Variants in APBA2 observed in about 807,000 individuals in gnomAD.
APBA2 encodes amyloid-beta A4 precursor protein-binding family A member 2.
A neutral mutation model predicts 75.0 loss-of-function variants in APBA2; 30 were observed. The observed-to-expected ratio is 0.40, with a 90% CI of 0.30 to 0.54. APBA2 has a LOEUF of 0.54. Among genes scored for constraint, APBA2 ranks in the 20% least tolerant of loss-of-function variants. The pLI is 0.49. For synonymous variants in APBA2, 444 were observed against 409.6 expected (o/e 1.08, Z -1.01); for missense variants, 801 against 1,016.1 (o/e 0.79, Z 2.88).
At chr15:29,108,195 T>A in intron 12 of APBA2, 75 bp from the exon 13 acceptor site, 1 of 1,605,940 alleles carries the variant, frequency 6.2e-7, no homozygotes, top group African/African-American at 1.3e-5. Context: ...TCCACCACCC[T>A]GCCAGCCTCG....
chr15:29,070,341 A>G (rs75475920), intron 4 of APBA2, among the ~76,000 whole-genome samples: 4,071 of 152,332 alleles, frequency 0.027, 175 homozygotes, highest in African/African-American at 0.091. Context: ...ATGTCTGGAT[A>G]CCGGGATGCA....
intron 2 of APBA2, among the ~76,000 whole-genome samples, chr15:28,986,805 C>T (rs773521601): frequency 6.6e-6 from 1 of 152,184 alleles, no homozygotes; most frequent in Non-Finnish European, 1.5e-5. Flanking sequence ...AAACAATTGG[C>T]ATATATTTTA....
At chr15:28,976,198 CTG>C (rs2037327239) in intron 2 of APBA2, among the ~76,000 whole-genome samples, 2 of 152,210 alleles carry the variant, frequency 1.3e-5, no homozygotes, top group Non-Finnish European at 2.9e-5. Flanking sequence ...GTGTTTTGAC[CTG>C]GTATCCAGCA....
At chr15:28,992,974 C>T (rs1444405765) in intron 2 of APBA2, among the ~76,000 whole-genome samples, 5 of 152,206 alleles carry the variant, frequency 3.3e-5, no homozygotes, top group Non-Finnish European at 1.5e-5. Flanking sequence ...TGTCTGATCA[C>T]AAACAGCCGA....
chr15:28,933,177 A>G (rs2034653112), intron 2 of APBA2, among the ~76,000 whole-genome samples: 1 of 152,164 alleles, frequency 6.6e-6, no homozygotes, highest in Non-Finnish European at 1.5e-5. Flanking sequence ...TAAAGGTCTC[A>G]CTTCTCAACA....
chr15:29,010,169 T>C (rs548298216), intron 3 of APBA2, among the ~76,000 whole-genome samples: 10 of 152,334 alleles, frequency 6.6e-5, no homozygotes, highest in African/African-American at 2.4e-4. Flanking sequence ...CGAATACTTG[T>C]CTTGTGCTTT....
At chr15:28,989,185 C>A (rs2038085703) in intron 2 of APBA2, among the ~76,000 whole-genome samples, 1 of 152,016 alleles carries the variant, frequency 6.6e-6, no homozygotes, top group African/African-American at 2.4e-5. Flanking sequence ...AGTTTATGTA[C>A]CATAAATATC....
intron 1 of APBA2, among the ~76,000 whole-genome samples, chr15:28,891,086 G>A (rs2032098230): frequency 6.6e-6 from 1 of 152,190 alleles, no homozygotes; most frequent in Non-Finnish European, 1.5e-5. Context: ...TTCTGGAAAC[G>A]GAAACACTCC....
chr15:28,903,134 T>C (rs2032954606), intron 1 of APBA2, among the ~76,000 whole-genome samples: 1 of 152,200 alleles, frequency 6.6e-6, no homozygotes, highest in South Asian at 2.1e-4. Flanking sequence ...GGTCTGATGA[T>C]GCCGGCAGCA....
chr15:28,927,337 T>C (rs1358075441), intron 2 of APBA2, among the ~76,000 whole-genome samples: 1 of 122,542 alleles, frequency 8.2e-6, no homozygotes, highest in Non-Finnish European at 1.5e-5. Flanking sequence ...ATTTTGCTTT[T>C]TGTTTTTTTT....
intron 3 of APBA2, among the ~76,000 whole-genome samples, chr15:29,047,402 A>G (rs2041389963): frequency 6.6e-6 from 1 of 152,218 alleles, no homozygotes; most frequent in Admixed American, 6.5e-5. Flanking sequence ...GTCCACAGCC[A>G]AGCCATATTG....
chr15:29,105,134 GAGT>G (rs1340812417), intron 10 of APBA2, among the ~76,000 whole-genome samples: 1 of 152,238 alleles, frequency 6.6e-6, no homozygotes, highest in African/African-American at 2.4e-5. Context: ...GGACAGTCAG[GAGT>G]AGACCCTTTG....
intron 3 of APBA2, among the ~76,000 whole-genome samples, chr15:28,999,096 G>A (rs745633883): frequency 3.3e-5 from 5 of 150,896 alleles, no homozygotes; most frequent in African/African-American, 1.2e-4. Flanking sequence ...TGCAGTGAGC[G>A]AGATCATGCC....
chr15:28,910,325 G>A (rs1489383206), intron 1 of APBA2, among the ~76,000 whole-genome samples: 1 of 152,160 alleles, frequency 6.6e-6, no homozygotes, highest in African/African-American at 2.4e-5. Context: ...GGGCAGGGAC[G>A]GCAGCTTGCC....
intron 13 of APBA2, among the ~76,000 whole-genome samples, chr15:29,109,996 G>A (rs2044644261): frequency 6.6e-6 from 1 of 152,218 alleles, no homozygotes; most frequent in Admixed American, 6.5e-5. Flanking sequence ...GTCTGGCCTG[G>A]TCCGGCTCTG....
At chr15:29,017,949 G>A (rs73367632) in intron 3 of APBA2, among the ~76,000 whole-genome samples, 33 of 152,020 alleles carry the variant, frequency 2.2e-4, no homozygotes, top group African/African-American at 8.0e-4. Context: ...TGCTTGCCTG[G>A]ATTTTCTTCT....
At chr15:29,110,154 G>C (rs1242132066) in intron 13 of APBA2, among the ~76,000 whole-genome samples, 1 of 152,216 alleles carries the variant, frequency 6.6e-6, no homozygotes, top group Non-Finnish European at 1.5e-5. Flanking sequence ...AGGAGGGCTG[G>C]GACATCCTTC....
At chr15:28,965,075 AT>A (rs531305145) in intron 2 of APBA2, among the ~76,000 whole-genome samples, 32 of 146,810 alleles carry the variant, frequency 2.2e-4, no homozygotes, top group Non-Finnish European at 3.3e-4. Flanking sequence ...CTTTCCTTTG[AT>A]TTTTTTTTTC....
At chr15:29,047,990 C>G (rs1394815546) in intron 3 of APBA2, among the ~76,000 whole-genome samples, 1 of 152,084 alleles carries the variant, frequency 6.6e-6, no homozygotes, top group African/African-American at 2.4e-5. Flanking sequence ...ACATTTAAGA[C>G]TTCAATAAAT....
Sources: gnomAD v4.1 joint callset for allele counts (sites outside exome capture counted in the v4.1 genomes callset) on GRCh38, gnomAD v4.1.1 for gene constraint, MANE v1.5 for transcripts, NCBI Gene and HGNC (gene_info 2026-07-23, HGNC 2026-07-21) for gene names.